The following PCDHGA8 variants were observed in gnomAD, a reference collection of about 807,000 sequenced individuals.
PCDHGA8 encodes the protein protocadherin gamma subfamily A, 8.
In PCDHGA8, 45 loss-of-function variants were observed where a neutral mutation model predicts 59.2. The ratio of observed to expected loss-of-function variants is 0.76; its 90% CI spans 0.60 to 0.98. PCDHGA8 has a LOEUF of 0.98. Ranked by LOEUF, PCDHGA8 falls within the 50% of genes least tolerant of loss-of-function variation. PCDHGA8 has a pLI of 0.00. For missense variants in PCDHGA8, 1,257 were observed against 1,196.2 expected (o/e 1.05, Z -0.75); for synonymous variants, 531 against 519.0 (o/e 1.02, Z -0.32).
chr5:141,486,100 C>G lies in PCDHGA8; in HGVS notation c.2425-8707C>G. Reference sequence around the variant, plus strand: ...AGCTTACTCTTTTGGGGCCCCTAGACTTTGAGAGTGAGAATTACTATGAAT... The same window carrying G: ...AGCTTACTCTTTTGGGGCCCCTAGAGTTTGAGAGTGAGAATTACTATGAAT... On this transcript the variant is annotated intron_variant, in intron 1 of 3. Transcript: ENST00000398604. This position sits in a 1 kb window ranked among gnomAD's most constrained non-coding sequence, Gnocchi z 5.0. 1 of 1,614,190 alleles carries G rather than the reference C, an allele frequency of 6.2e-7. No individual in the cohort carries two copies. The highest frequency in any genetic ancestry group is 1.1e-5 in the South Asian group (1 of 91,086).
In PCDHGA8 at chr5:141,471,825, A is replaced by G. The variant is rs150400990; in HGVS notation, c.2425-22982A>G. Among the ~76,000 whole-genome samples, 61 of 152,344 alleles carry G rather than the reference A, an allele frequency of 4.0e-4. No individual in the cohort carries two copies. In the East Asian group the frequency reaches 0.011, roughly 27 times the overall value. ...ACATATAAAAGACTACCTATTTTAT[A>G]ATTCCTTTTTAATAAAATATTCAGA... On this transcript the variant is annotated intron_variant, in intron 1 of 3. Coordinates refer to ENST00000398604, the MANE Select transcript of PCDHGA8 (RefSeq NM_032088.2).
At chr5:141,474,854 T>G (rs1007461186) in intron 1 of PCDHGA8, among the ~76,000 whole-genome samples, 3 of 152,260 alleles carry the variant, frequency 2.0e-5, no homozygotes, top group African/African-American at 7.2e-5. Flanking sequence ...CCTGCCTTCT[T>G]CATTTAATAG....
At chr5:141,403,749 C>A in intron 1 of PCDHGA8, 1 of 1,613,652 alleles carries the variant, frequency 6.2e-7, no homozygotes, top group African/African-American at 1.3e-5. Context: ...ACTGCAACAG[C>A]CAGCGACCTG....
Position 141,431,996 on chromosome 5 carries a change from G to A in PCDHGA8, c.2424+36759G>A, listed in dbSNP as rs766891220. ...AGTCACAGACATAGTCTTGGATAGGGAACAGGTTCCTAGCTACAACATCAC... is the reference window on the plus strand; with the variant it reads ...AGTCACAGACATAGTCTTGGATAGGAAACAGGTTCCTAGCTACAACATCAC... On this transcript the variant is annotated intron_variant, in intron 1 of 3. Transcript: ENST00000398604. The surrounding 1 kb of genome is among the most constrained non-coding windows in gnomAD (Gnocchi z 4.8). 1.9e-6 allele frequency: 3 copies of A among 1,614,192 alleles called. No homozygotes were observed. In the East Asian group the frequency reaches 6.7e-5, roughly 36 times the overall value.
At chr5:141,447,283 G>T (rs1194678678) in intron 1 of PCDHGA8, among the ~76,000 whole-genome samples, 1 of 152,122 alleles carries the variant, frequency 6.6e-6, no homozygotes, top group East Asian at 1.9e-4. Context: ...GGGACTACAG[G>T]CACATGCCAC....
intron 1 of PCDHGA8, chr5:141,430,984 C>A (rs765063685): frequency 6.2e-7 from 1 of 1,613,648 alleles, no homozygotes; most frequent in South Asian, 1.1e-5. Flanking sequence ...CGCAGCTTTT[C>A]GCCCTGAATC....
intron 2 of PCDHGA8, among the ~76,000 whole-genome samples, chr5:141,495,623 C>T (rs990126072): frequency 3.3e-5 from 5 of 152,208 alleles, no homozygotes; most frequent in South Asian, 2.1e-4. Context: ...GCACCTCAGC[C>T]TCAGTCCCTT....
intron 1 of PCDHGA8, chr5:141,395,872 T>G (rs950924655): frequency 2.0e-5 from 3 of 152,138 alleles, no homozygotes; most frequent in Non-Finnish European, 4.4e-5. Context: ...ATTAAGTATG[T>G]GAGTCAGTGG....
chr5:141,476,318 G>T lies in PCDHGA8; in HGVS notation c.2425-18489G>T. 3 of 1,614,202 alleles carry T rather than the reference G, an allele frequency of 1.9e-6. No homozygotes were observed. The highest frequency in any genetic ancestry group is 2.5e-6 in the Non-Finnish European group (3 of 1,180,052). The stretch of plus-strand genomic sequence containing the variant: ...TAGCCTCTCAGCCCGCAGGTTCCGG[G>T]TGGTGTCTGGAGCTAGCCGAAGATT... On this transcript the variant is annotated intron_variant, in intron 1 of 3. Transcript: ENST00000398604. This position sits in a 1 kb window ranked among gnomAD's most constrained non-coding sequence, Gnocchi z 7.6.
chr5:141,437,094 G>A (rs1183502010), intron 1 of PCDHGA8, among the ~76,000 whole-genome samples: 3 of 152,126 alleles, frequency 2.0e-5, no homozygotes, highest in African/African-American at 4.8e-5. Context: ...TGAAACTAAC[G>A]GCTTAGCTTT....
At chr5:141,481,943 G>C (rs1454871018) in intron 1 of PCDHGA8, among the ~76,000 whole-genome samples, 1 of 148,544 alleles carries the variant, frequency 6.7e-6, no homozygotes, top group South Asian at 2.1e-4. Context: ...AAATCAGCCA[G>C]ATGTGGTGGC....
intron 1 of PCDHGA8, among the ~76,000 whole-genome samples, chr5:141,460,120 A>C (rs1404213559): frequency 1.3e-5 from 2 of 151,956 alleles, no homozygotes; most frequent in Non-Finnish European, 2.9e-5. Flanking sequence ...ATTTTTATAT[A>C]TGTAATATAT....
chr5:141,408,555 A>G, intron 1 of PCDHGA8: 1 of 1,614,052 alleles, frequency 6.2e-7, no homozygotes, highest in South Asian at 1.1e-5. Flanking sequence ...AATATTTTTC[A>G]TGTCATTGTG....
intron 1 of PCDHGA8, chr5:141,417,532 TA>T (rs1457524771): frequency 6.7e-5 from 19 of 284,780 alleles, no homozygotes; most frequent in South Asian, 1.5e-4. Context: ...ACTCGTAGTT[TA>T]AAAAAAATTC....
intron 1 of PCDHGA8, chr5:141,396,533 T>A (rs942972836): frequency 2.0e-5 from 3 of 151,264 alleles, no homozygotes; most frequent in African/African-American, 7.3e-5. Flanking sequence ...GGCAGAAGAA[T>A]CACTTGAACC....
intron 1 of PCDHGA8, chr5:141,410,687 T>C: frequency 6.6e-7 from 1 of 1,518,632 alleles, no homozygotes; most frequent in Non-Finnish European, 8.8e-7. Flanking sequence ...TTAGGCATAC[T>C]ACTTTATTTT....
At position 141,395,036 on chromosome 5, in the gene PCDHGA8, G is replaced by A; in HGVS notation, c.2223G>A (p.Val741=). 1.2e-6 allele frequency: 2 copies of A among 1,614,110 alleles called. No individual in the cohort carries two copies. Among genetic ancestry groups the A allele is most frequent in the Non-Finnish European group, 8.5e-7 (1 of 1,180,018 alleles). The change falls in exon 1 of 4, where the codon GTG becomes GTA. Residue 741 remains valine (V), a synonymous_variant. Transcript: ENST00000398604. ...TAGGCGTGCCTGCCTCACATTTTGT[G>A]GGTGTTGAGGAGGTACAGGCTTTCC... The part of the protein sequence containing the change: ...RLVGVPASHF[V]GVEEVQAFLQ...
At chr5:141,482,089 CAA>C (rs36035257) in intron 1 of PCDHGA8, among the ~76,000 whole-genome samples, 9,071 of 134,384 alleles carry the variant, frequency 0.068, 318 homozygotes, top group South Asian at 0.13. Context: ...CACTCCATCT[CAA>C]AAAAAAAAAA....
chr5:141,408,256 T>C, intron 1 of PCDHGA8: 1 of 1,602,226 alleles, frequency 6.2e-7, no homozygotes, highest in East Asian at 2.3e-5. Flanking sequence ...AGGTGCTATT[T>C]CCTTTGCTGC....
Sources: allele counts gnomAD v4.1 joint callset (sites outside exome capture counted in the v4.1 genomes callset), GRCh38; gene constraint gnomAD v4.1.1; non-coding constraint Gnocchi (gnomAD v3.1); transcripts MANE v1.5; gene names NCBI Gene and HGNC (gene_info 2026-07-23, HGNC 2026-07-21).